TCF7L2: variants seen among roughly 807,000 people sequenced by gnomAD.
The protein encoded by TCF7L2 is transcription factor 7-like 2.
TCF7L2 carries 23 observed loss-of-function variants against 77.9 expected under a neutral mutation model. The observed-to-expected ratio is 0.30, with a 90% CI of 0.21 to 0.42. TCF7L2 has a LOEUF of 0.42. Ranked by LOEUF, TCF7L2 falls within the 10% of genes least tolerant of loss-of-function variation. The pLI is 1.00. For missense variants in TCF7L2, 654 were observed against 793.1 expected (o/e 0.82, Z 2.11); for synonymous variants, 413 against 340.2 (o/e 1.21, Z -2.36).
intron 4 of TCF7L2, among the ~76,000 whole-genome samples, chr10:113,019,820 C>T (rs929322134): frequency 6.6e-6 from 1 of 150,388 alleles, no homozygotes; most frequent in African/African-American, 2.5e-5. Context: ...TTCATGTGGA[C>T]TTCAGCCAGT....
intron 4 of TCF7L2, among the ~76,000 whole-genome samples, chr10:112,974,779 A>G (rs778283282): frequency 1.6e-4 from 24 of 152,254 alleles, no homozygotes; most frequent in South Asian, 4.1e-4. Flanking sequence ...TTCATTTTGT[A>G]AATTCTACTT....
At chr10:112,979,492 C>A (rs368611031) in intron 4 of TCF7L2, among the ~76,000 whole-genome samples, 29 of 152,284 alleles carry the variant, frequency 1.9e-4, no homozygotes, top group African/African-American at 7.0e-4. Context: ...TGCGGTGGCT[C>A]ATGCCTGTAA....
chr10:113,033,163 T>C (rs1275284396), intron 4 of TCF7L2, among the ~76,000 whole-genome samples: 1 of 151,992 alleles, frequency 6.6e-6, no homozygotes, highest in Non-Finnish European at 1.5e-5. Context: ...TTTTCTTTTT[T>C]TCTTTTCCCT....
chr10:113,070,120 G>C (rs145103883), intron 5 of TCF7L2, among the ~76,000 whole-genome samples: 2,212 of 151,930 alleles, frequency 0.015, 60 homozygotes, highest in African/African-American at 0.051. Flanking sequence ...GCTGAGTGTG[G>C]TGGCAAGTGC....
At chr10:113,126,726 T>C in intron 5 of TCF7L2, 1 of 985,916 alleles carries the variant, frequency 1.0e-6, no homozygotes, top group South Asian at 4.7e-5. Context: ...GCTGCTCCCC[T>C]GTGCCGCGGG....
At chr10:113,062,199 C>G (rs1223432353) in intron 5 of TCF7L2, among the ~76,000 whole-genome samples, 1 of 152,162 alleles carries the variant, frequency 6.6e-6, no homozygotes, top group Non-Finnish European at 1.5e-5. Context: ...TCTATCACCT[C>G]TTCCAAGGCT....
chr10:112,976,795 T>C (rs2039505002), intron 4 of TCF7L2, among the ~76,000 whole-genome samples: 1 of 152,196 alleles, frequency 6.6e-6, no homozygotes, highest in South Asian at 2.1e-4. Flanking sequence ...GGTGTTCTTT[T>C]CCACGTATCT....
chr10:113,025,612 C>T (rs2049011249), intron 4 of TCF7L2, among the ~76,000 whole-genome samples: 1 of 152,146 alleles, frequency 6.6e-6, no homozygotes, highest in Non-Finnish European at 1.5e-5. Flanking sequence ...AATTCCTGGA[C>T]TCAAGCAATC....
chr10:113,125,392 C>T (rs1009610264), intron 5 of TCF7L2: 9 of 151,220 alleles, frequency 6.0e-5, no homozygotes, highest in African/African-American at 1.9e-4. Flanking sequence ...TTTTTTTTCC[C>T]CTTCATACAT....
intron 8 of TCF7L2, among the ~76,000 whole-genome samples, chr10:113,147,800 G>A (rs1239517703): frequency 6.6e-6 from 1 of 152,070 alleles, no homozygotes. Context: ...TAGGGATTGG[G>A]GTTAAGCTGA....
intron 4 of TCF7L2, among the ~76,000 whole-genome samples, chr10:112,977,946 T>C (rs2039742692): frequency 6.6e-6 from 1 of 152,222 alleles, no homozygotes; most frequent in Non-Finnish European, 1.5e-5. Flanking sequence ...TTGTTTTTCC[T>C]AAATGCTATT....
At position 112,950,563 on chromosome 10, in the gene TCF7L2, C is replaced by A. The variant is rs1208902078; in HGVS notation, c.-194C>A. The A allele has an allele frequency of 5.8e-6, 3 of 517,544 alleles. No homozygotes were observed. The highest frequency in any genetic ancestry group is 3.6e-5 in the East Asian group (1 of 28,120). 32.1% of individuals were successfully genotyped at this position (517,544 alleles called of 1,614,324 possible). A position where few individuals can be genotyped will look rare whatever the true frequency, so the allele number is the denominator to read the frequency against. ...CTCACGCGTGCAGAAGATCTCCCCC[C>A]CCTTCCCCTCCCCTCCTCCCTCTTT... On this transcript the variant is annotated 5_prime_UTR_variant, in exon 1 of 14. Coordinates refer to ENST00000627217, the MANE Select transcript of TCF7L2 (RefSeq NM_001146274.2).
rs114061868 is a variant in TCF7L2 at position 112,995,159 on chromosome 10, C to T, written c.450+30535C>T. Reference sequence around the variant, plus strand: ...GATCCACCCTCCTCCTCAGGGGAACCCCTGGGCTGCTCTCTGGGTAGAGAT... The same window carrying T: ...GATCCACCCTCCTCCTCAGGGGAACTCCTGGGCTGCTCTCTGGGTAGAGAT... On this transcript the variant is annotated intron_variant, in intron 4 of 13. Transcript: ENST00000627217. Among the ~76,000 whole-genome samples the T allele has an allele frequency of 3.6e-3, 542 of 152,288 alleles. 3 individuals are homozygous for T. Among genetic ancestry groups the T allele is most frequent in the African/African-American group, 0.012 (508 of 41,546 alleles).
At chr10:113,015,622 T>C (rs1256807622) in intron 4 of TCF7L2, among the ~76,000 whole-genome samples, 7 of 152,054 alleles carry the variant, frequency 4.6e-5, no homozygotes, top group Admixed American at 3.9e-4. Context: ...ACTACAGGCA[T>C]GCGCCACCAC....
intron 5 of TCF7L2, among the ~76,000 whole-genome samples, chr10:113,122,261 AG>A (rs1175530676): frequency 1.3e-5 from 2 of 152,202 alleles, no homozygotes; most frequent in Admixed American, 6.5e-5. Context: ...TGAAACTGAG[AG>A]TTAATAGGGT....
At chr10:112,993,591 A>G (rs2042972233) in intron 4 of TCF7L2, among the ~76,000 whole-genome samples, 1 of 152,184 alleles carries the variant, frequency 6.6e-6, no homozygotes, top group Non-Finnish European at 1.5e-5. Flanking sequence ...CTAGGTTGCA[A>G]GATTCCTCAG....
intron 5 of TCF7L2, among the ~76,000 whole-genome samples, chr10:113,051,540 G>A (rs899479588): frequency 6.6e-6 from 1 of 152,054 alleles, no homozygotes; most frequent in South Asian, 2.1e-4. Flanking sequence ...TTCTTCTATC[G>A]CTATTTAGAT....
Position 112,964,760 on chromosome 10 carries a change from A to ATGGTGG in TCF7L2, c.450+148_450+153dup, listed in dbSNP as rs1386228076. On this transcript the variant is annotated intron_variant, in intron 4 of 13. Coordinates refer to ENST00000627217, the MANE Select transcript of TCF7L2 (RefSeq NM_001146274.2). ...GATGATGGTGGTGGTGGTGGTGGTG[A>ATGGTGG]TGGTGGTGGTGGTGGTGATGGTGGT... 44 of 407,532 alleles carry ATGGTGG rather than the reference A, an allele frequency of 1.1e-4. 1 individual carries two copies. The African/African-American group carries it at 1.7e-3, about 16-fold the overall frequency. 25.2% of individuals were successfully genotyped at this position (407,532 alleles called of 1,614,324 possible).
intron 3 of TCF7L2, among the ~76,000 whole-genome samples, chr10:112,954,214 A>G (rs1006015274): frequency 2.6e-5 from 4 of 152,186 alleles, no homozygotes; most frequent in Admixed American, 2.0e-4. Context: ...AGGTGTAAAG[A>G]CAAATTTCGC....
Sources: allele counts gnomAD v4.1 joint callset (sites outside exome capture counted in the v4.1 genomes callset), GRCh38; gene constraint gnomAD v4.1.1; transcripts MANE v1.5; gene names NCBI Gene and HGNC (gene_info 2026-07-23, HGNC 2026-07-21).